SORT1: variants seen among roughly 807,000 people sequenced by gnomAD.
SORT1 encodes the protein sortilin 1, also known as sortilin.
Under a neutral mutation model 101.7 loss-of-function variants are expected in SORT1, and 39 were observed. The ratio of observed to expected loss-of-function variants is 0.38; its 90% CI spans 0.30 to 0.50. SORT1 has a LOEUF of 0.50. Ranked by LOEUF, SORT1 falls within the 20% of genes least tolerant of loss-of-function variation. The pLI, the probability that SORT1 is intolerant of heterozygous loss-of-function variation, is 0.90. For missense variants in SORT1, 878 were observed against 1,040.4 expected (o/e 0.84, Z 2.15); for synonymous variants, 396 against 393.7 (o/e 1.01, Z -0.07).
chr1:109,393,161 A>C, intron 1 of SORT1: 2 of 985,462 alleles, frequency 2.0e-6, no homozygotes, highest in Non-Finnish European at 2.4e-6. Context: ...AGAGCCAGCA[A>C]ACAAACACAC....
At position 109,397,657 on chromosome 1, in the gene SORT1, G is replaced by A; in HGVS notation, c.236C>T (p.Ala79Val). 1 of 1,224,322 alleles carries A rather than the reference G, an allele frequency of 8.2e-7. No individual in the cohort carries two copies. 75.8% of individuals were successfully genotyped at this position (1,224,322 alleles called of 1,614,324 possible). Residue 79 changes from alanine to valine, a missense_variant, in exon 1 of 20, where the codon GCG becomes GTG. Ala to Val is a moderately conservative substitution (Grantham distance 64). Transcript: ENST00000256637. ...GCCGCACTCCTCGTCCTCGCCCGGC[G>A]CGCTGCGACGCCAACGGCCGCCGCG... ...FPRGGRWRRS[A>V]PGEDEECGRV... is the part of the protein sequence containing the mutation.
intron 10 of SORT1, among the ~76,000 whole-genome samples, chr1:109,338,242 T>G (rs750625241): frequency 6.6e-6 from 1 of 151,958 alleles, no homozygotes; most frequent in Non-Finnish European, 1.5e-5. Context: ...CGGTGCAAAC[T>G]CTAATCTGTG....
At position 109,340,751 on chromosome 1, in the gene SORT1, C is replaced by T. The variant is rs201821374; in HGVS notation, c.1237G>A (p.Val413Ile). 3.8e-5 allele frequency: 62 copies of T among 1,614,072 alleles called. 1 individual carries two copies. In the East Asian group the frequency reaches 6.5e-4, roughly 17 times the overall value. Residue 413 changes from valine to isoleucine, a missense_variant, in exon 10 of 20, where the codon GTC becomes ATC. Physicochemically the swap from Val to Ile is conservative, Grantham distance 29. Transcript: ENST00000256637. Reference protein sequence around the residue: ...DFTNVTSLRGVYITSVLSEDN... With the variant: ...DFTNVTSLRGIYITSVLSEDN... ...TCGGAGAGCACGCTTGTTATGTAGA[C>T]GCCGCGGAGGGAGGTCACGTTGGTA... is the stretch of plus-strand genomic sequence containing the variant.
intron 8 of SORT1, among the ~76,000 whole-genome samples, chr1:109,344,702 A>G (rs1404542117): frequency 6.6e-6 from 1 of 151,918 alleles, no homozygotes; most frequent in Admixed American, 6.6e-5. Context: ...ACTCACATTT[A>G]TATTTATTTA....
chr1:109,361,248 T>C (rs1410214281), intron 3 of SORT1, among the ~76,000 whole-genome samples: 1 of 152,256 alleles, frequency 6.6e-6, no homozygotes, highest in Non-Finnish European at 1.5e-5. Flanking sequence ...ATATGCAATT[T>C]CATTGCTTGC....
At chr1:109,362,986 A>G (rs1034547316) in intron 3 of SORT1, among the ~76,000 whole-genome samples, 1 of 152,210 alleles carries the variant, frequency 6.6e-6, no homozygotes, top group Non-Finnish European at 1.5e-5. Context: ...TTTGCATTGT[A>G]TACCTTTAAG....
At chr1:109,392,522 T>G (rs1249774694) in intron 1 of SORT1, 5 of 704,988 alleles carry the variant, frequency 7.1e-6, no homozygotes, top group Non-Finnish European at 8.7e-6. Context: ...CAAGCAGACA[T>G]GAGACTCAGA....
intron 1 of SORT1, among the ~76,000 whole-genome samples, chr1:109,380,332 C>A (rs559425254): frequency 4.6e-5 from 7 of 151,832 alleles, no homozygotes; most frequent in Admixed American, 1.3e-4. Flanking sequence ...ATTTTTATAA[C>A]CTTGGAATGG....
intron 13 of SORT1, 146 bp from the exon 14 acceptor site, chr1:109,325,235 T>A: frequency 5.1e-6 from 2 of 389,496 alleles, no homozygotes; most frequent in East Asian, 4.2e-5. Context: ...TTTTAACTTT[T>A]TTTTTTTTTT....
chr1:109,355,919 A>T (rs1264885971), intron 3 of SORT1, among the ~76,000 whole-genome samples: 1 of 151,672 alleles, frequency 6.6e-6, no homozygotes, highest in African/African-American at 2.4e-5. Context: ...TCTGTTACCC[A>T]GGCTGGAGTG....
At chr1:109,382,507 G>A (rs11582940) in intron 1 of SORT1, among the ~76,000 whole-genome samples, 1 of 152,176 alleles carries the variant, frequency 6.6e-6, no homozygotes, top group Non-Finnish European at 1.5e-5. Context: ...ATAGGTCAAA[G>A]AGCCCCTGCT....
chr1:109,322,011 A>G (rs1647663576), intron 15 of SORT1, among the ~76,000 whole-genome samples: 1 of 152,152 alleles, frequency 6.6e-6, no homozygotes, highest in African/African-American at 2.4e-5. Flanking sequence ...AGGACCAACC[A>G]CCATCTCTCT....
chr1:109,346,040 A>G (rs1339740419), intron 7 of SORT1, among the ~76,000 whole-genome samples, 159 bp from the exon 8 acceptor site: 1 of 152,160 alleles, frequency 6.6e-6, no homozygotes, highest in African/African-American at 2.4e-5. Flanking sequence ...GGCCAGGCGC[A>G]GTGGCTCATG....
intron 11 of SORT1, among the ~76,000 whole-genome samples, chr1:109,335,407 G>A (rs569753830): frequency 1.3e-5 from 2 of 152,302 alleles, no homozygotes; most frequent in East Asian, 1.9e-4. Flanking sequence ...TCAGAAAGTC[G>A]GGTAGATGCA....
rs1570883632 is a variant in SORT1 at position 109,317,765 on chromosome 1, G to A, written c.2141+88C>T. ...CGCCAAAAATAGTGCTCTAAAGTAG[G>A]GCTTGGATCTCAGTGTGGAGAGAAG... On this transcript the variant is annotated intron_variant, in intron 16 of 19. Transcript: ENST00000256637. The A allele has an allele frequency of 1.3e-5, 12 of 901,672 alleles. No homozygotes were observed. In the East Asian group the frequency reaches 2.7e-4, roughly 20 times the overall value. 55.9% of individuals were successfully genotyped at this position (901,672 alleles called of 1,614,324 possible). A position where few individuals can be genotyped will look rare whatever the true frequency, so the allele number is the denominator to read the frequency against.
At chr1:109,339,927 T>G (rs751580065) in intron 10 of SORT1, among the ~76,000 whole-genome samples, 24 of 152,100 alleles carry the variant, frequency 1.6e-4, no homozygotes, top group Admixed American at 2.6e-4. Flanking sequence ...GGCAGGCAGA[T>G]CACCTGAGGT....
At chr1:109,327,997 C>T (rs759670359) in intron 11 of SORT1, among the ~76,000 whole-genome samples, 1 of 152,202 alleles carries the variant, frequency 6.6e-6, no homozygotes, top group Non-Finnish European at 1.5e-5. Flanking sequence ...ACTTATTTCA[C>T]TTGGCATAAT....
chr1:109,384,558 G>A (rs113001390), intron 1 of SORT1, among the ~76,000 whole-genome samples: 199 of 152,332 alleles, frequency 1.3e-3, no homozygotes, highest in African/African-American at 4.5e-3. Context: ...TATCTCAATA[G>A]CTCCTGTGGG....
chr1:109,361,931 G>A (rs949690523), intron 3 of SORT1, among the ~76,000 whole-genome samples: 1 of 151,942 alleles, frequency 6.6e-6, no homozygotes, highest in Non-Finnish European at 1.5e-5. Flanking sequence ...TCCTTTTTAC[G>A]GTCTACTTAG....
Sources: allele counts gnomAD v4.1 joint callset (sites outside exome capture counted in the v4.1 genomes callset), GRCh38; gene constraint gnomAD v4.1.1; transcripts MANE v1.5; gene names NCBI Gene and HGNC (gene_info 2026-07-23, HGNC 2026-07-21).